Variants in PTPRD observed in about 807,000 individuals in gnomAD.
PTPRD encodes the protein protein tyrosine phosphatase receptor type D.
Under a neutral mutation model 214.5 loss-of-function variants are expected in PTPRD, and 34 were observed. The ratio of observed to expected loss-of-function variants is 0.16; its 90% CI spans 0.12 to 0.21. The LOEUF is 0.21. Ranked by LOEUF, PTPRD falls within the 10% of genes least tolerant of loss-of-function variation. The probability of loss-of-function intolerance (pLI) is 1.00; values close to 1 mark genes in which losing one functional copy is unlikely to be tolerated. For missense variants in PTPRD, 2,545 were observed against 2,398.7 expected (o/e 1.06, Z -1.27); for synonymous variants, 1,128 against 845.7 (o/e 1.33, Z -5.79).
At chr9:8,681,381 T>G (rs759952510) in intron 12 of PTPRD, among the ~76,000 whole-genome samples, 8 of 152,128 alleles carry the variant, frequency 5.3e-5, no homozygotes, top group Non-Finnish European at 8.8e-5. Context: ...AGAGAGGGCA[T>G]AGATGCAGTG....
intron 8 of PTPRD, among the ~76,000 whole-genome samples, chr9:9,431,411 C>T (rs899943995): frequency 3.7e-4 from 56 of 152,058 alleles, no homozygotes; most frequent in Middle Eastern, 3.2e-3. Context: ...ACAACAGGTG[C>T]TGGAGAGGAT....
At chr9:8,565,008 AG>A (rs774489898) in intron 14 of PTPRD, among the ~76,000 whole-genome samples, 4 of 152,246 alleles carry the variant, frequency 2.6e-5, no homozygotes, top group Admixed American at 6.5e-5. Flanking sequence ...GAAATACAAA[AG>A]CTCCTTCATT....
At chr9:8,592,013 C>T (rs1011708496) in intron 14 of PTPRD, among the ~76,000 whole-genome samples, 2 of 152,058 alleles carry the variant, frequency 1.3e-5, no homozygotes, top group South Asian at 2.1e-4. Context: ...GCCTTGTAAT[C>T]GCATATATTT....
intron 8 of PTPRD, among the ~76,000 whole-genome samples, chr9:9,572,561 G>GTGTA (rs937504836): frequency 1.3e-4 from 18 of 140,818 alleles, no homozygotes; most frequent in Middle Eastern, 3.8e-3. Flanking sequence ...ATATATATAT[G>GTGTA]TATATATATA....
chr9:10,554,881 CG>C (rs1200699114), intron 2 of PTPRD, among the ~76,000 whole-genome samples: 1 of 152,086 alleles, frequency 6.6e-6, no homozygotes, highest in African/African-American at 2.4e-5. Context: ...AGGATGGTCT[CG>C]ATCTCCTGAC....
intron 14 of PTPRD, among the ~76,000 whole-genome samples, chr9:8,611,741 A>AAGAAAAGAAAAG (rs1198880596): frequency 6.9e-6 from 1 of 145,192 alleles, no homozygotes; most frequent in Non-Finnish European, 1.5e-5. Context: ...GAAAAAAGAA[A>AAGAAAAGAAAAG]AGAAAAGAAA....
intron 8 of PTPRD, among the ~76,000 whole-genome samples, chr9:9,420,191 A>G (rs2078268395): frequency 6.6e-6 from 1 of 151,834 alleles, no homozygotes. Flanking sequence ...ATATTTTAGA[A>G]AATAACTATA....
intron 9 of PTPRD, among the ~76,000 whole-genome samples, chr9:9,285,581 G>C (rs961210158): frequency 6.6e-6 from 1 of 151,734 alleles, no homozygotes; most frequent in Non-Finnish European, 1.5e-5. Flanking sequence ...CTTTTATTCA[G>C]ATCCCACCTC....
At chr9:10,033,564 CATATT>C (rs1353805340) in intron 4 of PTPRD, among the ~76,000 whole-genome samples, 149 bp downstream of exon 4, 1 of 151,846 alleles carries the variant, frequency 6.6e-6, no homozygotes, top group Non-Finnish European at 1.5e-5. Context: ...AAAGTAAAAT[CATATT>C]ATAATTATTT....
At chr9:8,525,469 A>C (rs1426171427) in intron 17 of PTPRD, among the ~76,000 whole-genome samples, 1 of 152,174 alleles carries the variant, frequency 6.6e-6, no homozygotes, top group Non-Finnish European at 1.5e-5. Context: ...TTTTCAAGAA[A>C]GTCTTCTGCT....
intron 8 of PTPRD, among the ~76,000 whole-genome samples, chr9:9,534,787 CCTT>C (rs79287888): frequency 0.18 from 27,183 of 151,872 alleles, 2,662 homozygotes; most frequent in Middle Eastern, 0.22. Flanking sequence ...TTATCTATGT[CCTT>C]CTTATTTTTA....
chr9:9,438,880 A>C (rs939467107), intron 8 of PTPRD, among the ~76,000 whole-genome samples: 2 of 152,152 alleles, frequency 1.3e-5, no homozygotes, highest in African/African-American at 4.8e-5. Context: ...GTTTATATAA[A>C]CTTTTCTATG....
At chr9:8,536,847 G>A (rs1402686152) in intron 14 of PTPRD, among the ~76,000 whole-genome samples, 6 of 152,042 alleles carry the variant, frequency 3.9e-5, no homozygotes, top group Admixed American at 3.9e-4. Flanking sequence ...ATCTGGACAG[G>A]GAGACAGATC....
intron 11 of PTPRD, among the ~76,000 whole-genome samples, chr9:8,920,890 C>A (rs2098822904): frequency 1.3e-5 from 2 of 152,008 alleles, no homozygotes; most frequent in Admixed American, 1.3e-4. Flanking sequence ...CTCGGCTCAC[C>A]ACAACCTCTG....
chr9:9,803,756 T>G (rs2099056267), intron 5 of PTPRD: 1 of 151,998 alleles, frequency 6.6e-6, no homozygotes, highest in Non-Finnish European at 1.5e-5. Context: ...TACATGTGAT[T>G]ATTAAAGGTA....
Position 9,798,473 on chromosome 9 carries a change from C to G in PTPRD, c.-367-31622G>C, listed in dbSNP as rs148856283. 8.5e-5 allele frequency among the ~76,000 whole-genome samples: 13 copies of G among 152,126 alleles called. 1 individual carries two copies. The highest frequency in any genetic ancestry group is 3.1e-4 in the African/African-American group (13 of 41,428). On this transcript the variant is annotated intron_variant, in intron 5 of 45. Transcript: ENST00000381196. ...GTTGTTTGTTCAGTTTCCTCTGTGT[C>G]CTTGTGTCTTCAGACATAAGGACGT...
intron 39 of PTPRD, among the ~76,000 whole-genome samples, chr9:8,375,652 C>T (rs568312222): frequency 6.6e-6 from 1 of 152,086 alleles, no homozygotes; most frequent in East Asian, 1.9e-4. Context: ...TTTTGTTTTA[C>T]ATATTTATAG....
chr9:10,070,981 A>G (rs1243147841), intron 3 of PTPRD, among the ~76,000 whole-genome samples: 4 of 152,098 alleles, frequency 2.6e-5, no homozygotes, highest in Non-Finnish European at 5.9e-5. Flanking sequence ...CATATGAGAA[A>G]TGAACAATTT....
chr9:8,823,311 G>C lies in PTPRD; in HGVS notation c.-103-89365C>G, dbSNP rs150835021. Among the ~76,000 whole-genome samples, 9 of 152,098 alleles carry C rather than the reference G, an allele frequency of 5.9e-5. No individual in the cohort carries two copies. In the East Asian group the frequency reaches 1.5e-3, roughly 26 times the overall value. On this transcript the variant is annotated intron_variant, in intron 11 of 45. Coordinates refer to ENST00000381196, the MANE Select transcript of PTPRD (RefSeq NM_002839.4). ...CCACAAAGCTTTAATTGCCATCTTT[G>C]GTTTCAATGATTCACAAACTTTTAA...
Sources: gnomAD v4.1 joint callset for allele counts (sites outside exome capture counted in the v4.1 genomes callset) on GRCh38, gnomAD v4.1.1 for gene constraint, MANE v1.5 for transcripts, NCBI Gene and HGNC (gene_info 2026-07-23, HGNC 2026-07-21) for gene names.